PRKCB: variants seen among roughly 807,000 people sequenced by gnomAD.
The protein encoded by PRKCB is protein kinase C beta type.
Under a neutral mutation model 81.5 loss-of-function variants are expected in PRKCB, and 13 were observed. The observed-to-expected ratio is 0.16, with a 90% CI of 0.10 to 0.25. The LOEUF is 0.25. PRKCB is among the 10% of genes least tolerant of loss of function. The pLI is 1.00. For synonymous variants in PRKCB, 335 were observed against 321.4 expected, an observed-to-expected ratio of 1.04 and a Z score of -0.45; for missense variants, 509 against 875.7, an observed-to-expected ratio of 0.58 and a Z score of 5.29.
intron 2 of PRKCB, among the ~76,000 whole-genome samples, chr16:23,920,024 G>T (rs996695948): frequency 1.3e-5 from 2 of 152,168 alleles, no homozygotes; most frequent in Non-Finnish European, 2.9e-5. Flanking sequence ...CCCAGAAGTG[G>T]AATTGCTAGA....
intron 2 of PRKCB, among the ~76,000 whole-genome samples, chr16:23,922,044 A>G (rs1963833276): frequency 6.6e-6 from 1 of 152,188 alleles, no homozygotes; most frequent in Admixed American, 6.5e-5. Context: ...ACTGACTGAG[A>G]TGTTTGGTGT....
At chr16:24,056,282 C>T (rs887183116) in intron 5 of PRKCB, among the ~76,000 whole-genome samples, 66 of 152,198 alleles carry the variant, frequency 4.3e-4, no homozygotes, top group African/African-American at 1.6e-3. Context: ...GGCTAATCAC[C>T]ATCTCTGCCT....
rs1963697877 is a variant in PRKCB at position 23,913,839 on chromosome 16, C to T, written c.206-74669C>T. 2.0e-5 allele frequency among the ~76,000 whole-genome samples: 3 copies of T among 152,210 alleles called. No homozygotes were observed. The East Asian group carries it at 5.8e-4, about 29-fold the overall frequency. On this transcript the variant is annotated intron_variant, in intron 2 of 16. Coordinates refer to ENST00000643927, the MANE Select transcript of PRKCB (RefSeq NM_002738.7). ...TATGCTCCACGAAAGGAATAGGGAA[C>T]TTGGCTCCCTCCCTCCAGGGACTGT...
chr16:24,193,809 T>C (rs1180828565), intron 16 of PRKCB, among the ~76,000 whole-genome samples: 1 of 152,140 alleles, frequency 6.6e-6, no homozygotes, highest in Non-Finnish European at 1.5e-5. Context: ...GTGATCTACC[T>C]AACAGGCTCA....
At chr16:24,060,684 T>C (rs1965960969) in intron 5 of PRKCB, among the ~76,000 whole-genome samples, 1 of 152,158 alleles carries the variant, frequency 6.6e-6, no homozygotes, top group African/African-American at 2.4e-5. Flanking sequence ...CAGTCTATGA[T>C]TGGTTGCTGG....
At chr16:23,841,645 G>A (rs1489748886) in intron 2 of PRKCB, among the ~76,000 whole-genome samples, 5 of 116,304 alleles carry the variant, frequency 4.3e-5, no homozygotes, top group African/African-American at 9.6e-5. Flanking sequence ...GTGTCACCAC[G>A]GCCCTTTTTT....
chr16:24,002,692 C>A (rs1277076200), intron 3 of PRKCB, among the ~76,000 whole-genome samples: 1 of 152,054 alleles, frequency 6.6e-6, no homozygotes, highest in Non-Finnish European at 1.5e-5. Flanking sequence ...TGGACAAGAT[C>A]AGATTTGGGG....
intron 2 of PRKCB, among the ~76,000 whole-genome samples, chr16:23,881,835 C>T (rs975992717): frequency 6.6e-6 from 1 of 151,818 alleles, no homozygotes; most frequent in African/African-American, 2.4e-5. Context: ...ATTTCTTCCT[C>T]CCCACCGAGC....
At chr16:24,079,116 A>G (rs1043124836) in intron 5 of PRKCB, among the ~76,000 whole-genome samples, 1 of 152,102 alleles carries the variant, frequency 6.6e-6, no homozygotes, top group African/African-American at 2.4e-5. Context: ...TTCCTGCCCC[A>G]CCCTAACTGA....
Position 24,217,265 on chromosome 16 carries a change from G to C in PRKCB, c.*2449G>C, listed in dbSNP as rs984872941. ...AAAAGTTTAATAGTTTGCAGAAATA[G>C]ATACTCAAGCCAAAGTCTGTTTTAG... is the stretch of plus-strand genomic sequence containing the variant. On this transcript the variant is annotated 3_prime_UTR_variant, in exon 17 of 17. Coordinates refer to ENST00000643927, the MANE Select transcript of PRKCB (RefSeq NM_002738.7). 3.0e-6 allele frequency: 3 copies of C among 985,228 alleles called. No individual in the cohort carries two copies. In the East Asian group the frequency reaches 3.4e-4, roughly 112 times the overall value. 61.0% of individuals were successfully genotyped at this position (985,228 alleles called of 1,614,324 possible).
At chr16:24,142,461 G>C (rs74013151) in intron 9 of PRKCB, among the ~76,000 whole-genome samples, 2,153 of 152,280 alleles carry the variant, frequency 0.014, 57 homozygotes, top group African/African-American at 0.048. Context: ...GTTGGCGTTT[G>C]CTCAGTTTTC....
intron 9 of PRKCB, among the ~76,000 whole-genome samples, chr16:24,126,278 A>G (rs1966844160): frequency 6.6e-6 from 1 of 152,216 alleles, no homozygotes; most frequent in Non-Finnish European, 1.5e-5. Context: ...AATGTTAGGA[A>G]GAATTGAGGC....
At chr16:23,974,775 C>T (rs548799517) in intron 2 of PRKCB, among the ~76,000 whole-genome samples, 29 of 152,216 alleles carry the variant, frequency 1.9e-4, no homozygotes, top group Non-Finnish European at 3.4e-4. Flanking sequence ...GGTTGGCACA[C>T]GAGTGGTGCC....
intron 2 of PRKCB, among the ~76,000 whole-genome samples, chr16:23,955,779 C>T (rs191706817): frequency 7.2e-5 from 11 of 152,210 alleles, no homozygotes; most frequent in South Asian, 4.2e-4. Flanking sequence ...CAGGGGCTTC[C>T]GACAGAAGTG....
At chr16:24,200,265 G>A (rs955360112) in intron 16 of PRKCB, among the ~76,000 whole-genome samples, 2 of 152,120 alleles carry the variant, frequency 1.3e-5, no homozygotes, top group Non-Finnish European at 2.9e-5. Context: ...CCACTGTGTG[G>A]AGTTTGCAGA....
At chr16:24,130,592 T>G (rs1966851897) in intron 9 of PRKCB, among the ~76,000 whole-genome samples, 1 of 152,120 alleles carries the variant, frequency 6.6e-6, no homozygotes, top group South Asian at 2.1e-4. Flanking sequence ...CAATAGAAGT[T>G]TAAAATTTTC....
intron 7 of PRKCB, among the ~76,000 whole-genome samples, chr16:24,100,714 A>G (rs1642117026): frequency 6.6e-6 from 1 of 152,224 alleles, no homozygotes; most frequent in African/African-American, 2.4e-5. Context: ...TCTAGAGCTG[A>G]TTCACTGAGA....
chr16:24,140,882 A>G (rs1470131136), intron 9 of PRKCB, among the ~76,000 whole-genome samples: 1 of 152,092 alleles, frequency 6.6e-6, no homozygotes, highest in African/African-American at 2.4e-5. Context: ...AGTTTGGGGG[A>G]AGGGCTGTTA....
intron 5 of PRKCB, among the ~76,000 whole-genome samples, chr16:24,088,529 C>A (rs1340662809): frequency 1.3e-5 from 2 of 151,916 alleles, no homozygotes; most frequent in Non-Finnish European, 2.9e-5. Flanking sequence ...GAGTTTGACA[C>A]CAGCCTGGGT....
Sources: gnomAD v4.1 joint callset for allele counts (sites outside exome capture counted in the v4.1 genomes callset) on GRCh38, gnomAD v4.1.1 for gene constraint, MANE v1.5 for transcripts, NCBI Gene and HGNC (gene_info 2026-07-23, HGNC 2026-07-21) for gene names.